RABGAP1L: variants seen among roughly 807,000 people sequenced by gnomAD.
RABGAP1L encodes rab GTPase-activating protein 1-like.
A neutral mutation model predicts 137.7 loss-of-function variants in RABGAP1L; 63 were observed. That is an observed-to-expected ratio of 0.46 (90% CI 0.37 to 0.56). RABGAP1L has a LOEUF of 0.56. Among genes scored for constraint, RABGAP1L ranks in the 20% least tolerant of loss-of-function variants. RABGAP1L has a pLI of 0.00. For missense variants in RABGAP1L, 1,095 were observed against 1,244.0 expected (o/e 0.88, Z 1.80); for synonymous variants, 431 against 433.7 (o/e 0.99, Z 0.08).
At chr1:174,216,814 T>C (rs191741800) in intron 1 of RABGAP1L, among the ~76,000 whole-genome samples, 1 of 152,274 alleles carries the variant, frequency 6.6e-6, no homozygotes, top group Admixed American at 6.5e-5. Context: ...CAAGGGTGTA[T>C]TGGGCCTTGT....
intron 3 of RABGAP1L, among the ~76,000 whole-genome samples, chr1:174,223,133 C>T (rs1019223855): frequency 2.6e-5 from 4 of 151,558 alleles, no homozygotes; most frequent in Non-Finnish European, 5.9e-5. Flanking sequence ...CTGGGTGTGG[C>T]AGCACATGCC....
intron 19 of RABGAP1L, among the ~76,000 whole-genome samples, chr1:174,852,614 G>T (rs1435849814): frequency 6.6e-6 from 1 of 152,110 alleles, no homozygotes; most frequent in Non-Finnish European, 1.5e-5. Flanking sequence ...AGGAGTTCGA[G>T]ACCAGCCTGG....
intron 11 of RABGAP1L, among the ~76,000 whole-genome samples, chr1:174,349,822 C>A: frequency 7.5e-6 from 1 of 133,164 alleles, no homozygotes; most frequent in Admixed American, 7.2e-5. Flanking sequence ...CAGAGGCGCC[C>A]CTCACCTCCC....
Position 174,361,847 on chromosome 1 carries a change from A to T in RABGAP1L, c.1466-9132A>T, listed in dbSNP as rs1684170807. ...ATTGTTACATAGGTAAATGTGTGTC[A>T]TGGGGGTTTGTTGTACAGATTATTT... On this transcript the variant is annotated intron_variant, in intron 11 of 25. Coordinates refer to ENST00000681986, the MANE Select transcript of RABGAP1L (RefSeq NM_001366446.1). Among the ~76,000 whole-genome samples the T allele has an allele frequency of 2.0e-5, 3 of 152,168 alleles. 1 individual carries two copies. Among genetic ancestry groups the T allele is most frequent in the African/African-American group, 7.2e-5 (3 of 41,448 alleles).
At chr1:174,182,747 T>TC (rs536602505) in intron 1 of RABGAP1L, among the ~76,000 whole-genome samples, 9,184 of 152,086 alleles carry the variant, frequency 0.06, 967 homozygotes, top group African/African-American at 0.21. Flanking sequence ...GACTTTTACT[T>TC]CCCCCCGTAA....
chr1:174,874,044 G>A (rs1213720129), intron 19 of RABGAP1L, among the ~76,000 whole-genome samples: 1 of 152,082 alleles, frequency 6.6e-6, no homozygotes, highest in Non-Finnish European at 1.5e-5. Flanking sequence ...AGTTCTAGGA[G>A]GATGACTGTT....
chr1:174,429,469 C>T (rs1007335008), intron 13 of RABGAP1L, among the ~76,000 whole-genome samples: 15 of 152,134 alleles, frequency 9.9e-5, no homozygotes, highest in Non-Finnish European at 1.8e-4. Context: ...GGGCCGGGCA[C>T]GGTGGCTGAT....
At chr1:174,338,605 T>C (rs778341252) in intron 11 of RABGAP1L, among the ~76,000 whole-genome samples, 1 of 151,940 alleles carries the variant, frequency 6.6e-6, no homozygotes, top group Non-Finnish European at 1.5e-5. Context: ...TTAACCTATT[T>C]AGTGTATGTG....
At chr1:174,190,788 G>T (rs1170517809) in intron 1 of RABGAP1L, among the ~76,000 whole-genome samples, 1 of 152,212 alleles carries the variant, frequency 6.6e-6, no homozygotes, top group Non-Finnish European at 1.5e-5. Context: ...TCAACATGTT[G>T]CCTTCCTCAG....
intron 1 of RABGAP1L, among the ~76,000 whole-genome samples, chr1:174,200,713 A>G (rs1319502744): frequency 1.3e-5 from 2 of 152,088 alleles, no homozygotes; most frequent in Non-Finnish European, 2.9e-5. Flanking sequence ...GTTTCCTGCT[A>G]TATTTGTTTT....
At chr1:174,655,045 C>T (rs1280904118) in intron 14 of RABGAP1L, among the ~76,000 whole-genome samples, 2 of 152,140 alleles carry the variant, frequency 1.3e-5, no homozygotes, top group African/African-American at 2.4e-5. Flanking sequence ...ACCTCAAACT[C>T]ATAAAAGCTA....
intron 17 of RABGAP1L, among the ~76,000 whole-genome samples, chr1:174,722,553 G>T (rs897935825): frequency 6.6e-6 from 1 of 151,768 alleles, no homozygotes; most frequent in Non-Finnish European, 1.5e-5. Context: ...GGGTTCAAGC[G>T]ATTCCCCTGC....
intron 1 of RABGAP1L, among the ~76,000 whole-genome samples, chr1:174,195,540 T>A (rs145277687): frequency 1.3e-5 from 2 of 152,006 alleles, no homozygotes; most frequent in African/African-American, 4.8e-5. Flanking sequence ...ATTCCTGTTA[T>A]GATACTAGTA....
chr1:174,364,243 C>CTTTTTTTTTTTTTT lies in RABGAP1L; in HGVS notation c.1466-6720_1466-6707dup, dbSNP rs1054313083. Among the ~76,000 whole-genome samples the CTTTTTTTTTTTTTT allele has an allele frequency of 1.4e-4, 11 of 81,174 alleles. 4 individuals carry two copies. The East Asian group carries it at 1.4e-3, about 10-fold the overall frequency. The allele number at this position is 81,174 out of a possible 152,430, so 53.3% of individuals were successfully genotyped here. ...TTGTTCTGTTCAGCTTTTGGATTTC[C>CTTTTTTTTTTTTTT]TTTTTTTTTTTTTTTTTTTTTTTTT... is the stretch of plus-strand genomic sequence containing the variant. On this transcript the variant is annotated intron_variant, in intron 11 of 25. Coordinates refer to ENST00000681986, the MANE Select transcript of RABGAP1L (RefSeq NM_001366446.1).
intron 8 of RABGAP1L, among the ~76,000 whole-genome samples, chr1:174,274,010 A>G (rs1380201053): frequency 1.3e-5 from 2 of 152,186 alleles, no homozygotes; most frequent in Non-Finnish European, 2.9e-5. Context: ...TTCATAGTGG[A>G]CATTGAACCT....
At chr1:174,212,746 C>CAA (rs1668996704) in intron 1 of RABGAP1L, among the ~76,000 whole-genome samples, 1 of 151,816 alleles carries the variant, frequency 6.6e-6, no homozygotes, top group Non-Finnish European at 1.5e-5. Context: ...ATCAACAAAA[C>CAA]CAAAAGCTGG....
At chr1:174,311,030 C>A (rs554000859) in intron 11 of RABGAP1L, among the ~76,000 whole-genome samples, 1 of 152,142 alleles carries the variant, frequency 6.6e-6, no homozygotes, top group Non-Finnish European at 1.5e-5. Flanking sequence ...TATTAACCAT[C>A]CCCGCCTCCC....
At chr1:174,662,121 T>TTTTTTTTTTTTTTTTG (rs59243192) in intron 14 of RABGAP1L, among the ~76,000 whole-genome samples, 2 of 135,224 alleles carry the variant, frequency 1.5e-5, no homozygotes, top group African/African-American at 6.0e-5. Context: ...TTTTTTTTTT[T>TTTTTTTTTTTTTTTTG]GAGTTGGAGT....
At position 174,448,595 on chromosome 1, in the gene RABGAP1L, A is replaced by T; in HGVS notation, c.1710+54450A>T. On this transcript the variant is annotated intron_variant, in intron 13 of 25. Transcript: ENST00000681986. The surrounding 1 kb of genome is among the most constrained non-coding windows in gnomAD (Gnocchi z 4.2). ...CACCCCTTGTCGCTTGAGAATTTGC[A>T]TTATTTTGATCTGGATCTACTCCTG... 1 of 1,614,012 alleles carries T rather than the reference A, an allele frequency of 6.2e-7. No individual in the cohort carries two copies. Among genetic ancestry groups the T allele is most frequent in the Non-Finnish European group, 8.5e-7 (1 of 1,179,950 alleles).
Sources: allele counts gnomAD v4.1 joint callset (sites outside exome capture counted in the v4.1 genomes callset), GRCh38; gene constraint gnomAD v4.1.1; non-coding constraint Gnocchi (gnomAD v3.1); transcripts MANE v1.5; gene names NCBI Gene and HGNC (gene_info 2026-07-23, HGNC 2026-07-21).